SLC6A15: variants seen among roughly 807,000 people sequenced by gnomAD.
The protein encoded by SLC6A15 is solute carrier family 6 member 15, also known as sodium-dependent neutral amino acid transporter B(0)AT2.
A neutral mutation model predicts 68.5 loss-of-function variants in SLC6A15; 33 were observed. That is an observed-to-expected ratio of 0.48 (90% confidence interval 0.37 to 0.64). SLC6A15 has a LOEUF of 0.64. Ranked by LOEUF, SLC6A15 falls within the 30% of genes least tolerant of loss-of-function variation. The probability of loss-of-function intolerance (pLI) is 0.00; values close to 1 mark genes in which losing one functional copy is unlikely to be tolerated. For synonymous variants in SLC6A15, 347 were observed against 301.0 expected (o/e 1.15, Z -1.58); for missense variants, 747 against 874.3 (o/e 0.85, Z 1.84).
intron 4 of SLC6A15, 93 bp downstream of exon 4, chr12:84,885,342 C>G (rs76715880): frequency 8.5e-7 from 1 of 1,181,632 alleles, no homozygotes; most frequent in African/African-American, 1.6e-5. Context: ...GATGTTTCTA[C>G]ATTATTTTAA....
intron 8 of SLC6A15, among the ~76,000 whole-genome samples, chr12:84,872,283 T>C (rs184633799): frequency 1.3e-5 from 2 of 152,302 alleles, no homozygotes; most frequent in East Asian, 1.9e-4. Context: ...TAATTCTGTA[T>C]TGAAAATTAT....
intron 6 of SLC6A15, among the ~76,000 whole-genome samples, chr12:84,875,409 C>G (rs1205884358): frequency 1.3e-5 from 2 of 151,776 alleles, no homozygotes; most frequent in Non-Finnish European, 2.9e-5. Context: ...AATACCAACT[C>G]AGAACCACAC....
At chr12:84,876,989 T>G (rs1555180739) in intron 5 of SLC6A15, among the ~76,000 whole-genome samples, 1 of 152,188 alleles carries the variant, frequency 6.6e-6, no homozygotes, top group Non-Finnish European at 1.5e-5. Flanking sequence ...AAGTCCTATT[T>G]CTTTTTCTTT....
In SLC6A15 at chr12:84,885,498, G is replaced by C. The variant is rs1454815811; in HGVS notation, c.511C>G (p.Gln171Glu). 1.2e-6 allele frequency: 2 copies of C among 1,613,550 alleles called. No individual in the cohort carries two copies. The highest frequency in any genetic ancestry group is 2.2e-5 in the South Asian group (2 of 91,058). ...CAAGGCAGGGGTTGCTGAAAAGACT[G>C]AGAAAAATAAAACAAACTCCAGCCA... ...IIGWSLFYFS[Q>E]SFQQPLPWDQ... Residue 171 changes from glutamine (Q) to glutamate (E), a missense_variant, in exon 4 of 12, where the codon CAG becomes GAG. Gln to Glu is a conservative substitution (Grantham distance 29, BLOSUM62 2). Transcript: ENST00000266682.
At chr12:84,881,901 G>C (rs1215159489) in intron 5 of SLC6A15, 1 of 985,204 alleles carries the variant, frequency 1.0e-6, no homozygotes, top group African/African-American at 1.7e-5. Flanking sequence ...CCTACAGCTA[G>C]CTTTCTCCCC....
intron 6 of SLC6A15, among the ~76,000 whole-genome samples, chr12:84,875,179 T>C (rs923618975): frequency 5.4e-4 from 83 of 152,328 alleles, no homozygotes; most frequent in African/African-American, 1.9e-3. Flanking sequence ...TTGGTTGTCT[T>C]GAACTCAGAA....
intron 1 of SLC6A15, 25 bp from the exon 2 acceptor site, chr12:84,892,333 G>T: frequency 2.4e-6 from 1 of 420,808 alleles, no homozygotes; most frequent in Non-Finnish European, 4.1e-6. Flanking sequence ...GTTGAAATGT[G>T]ATCATATTTA....
At chr12:84,881,627 G>A in intron 5 of SLC6A15, 1 of 985,314 alleles carries the variant, frequency 1.0e-6, no homozygotes. Context: ...GTATGACTGT[G>A]TGTTTTGACC....
At chr12:84,876,325 T>C (rs975104652) in intron 6 of SLC6A15, among the ~76,000 whole-genome samples, 172 bp downstream of exon 6, 3 of 152,130 alleles carry the variant, frequency 2.0e-5, no homozygotes, top group Admixed American at 1.3e-4. Context: ...GATAAATGGC[T>C]ATAATTATAC....
Position 84,867,210 on chromosome 12 carries a change from A to C in SLC6A15, c.1496-17T>G, listed in dbSNP as rs1372011732. The C allele has an allele frequency of 6.4e-7, 1 of 1,561,426 alleles. No individual in the cohort carries two copies. The highest frequency in any genetic ancestry group is 8.6e-7 in the Non-Finnish European group (1 of 1,157,808). Reference sequence around the variant, plus strand: ...AACAGATAACTAGACAAAAGAAATAAATGAAAAAATGAGACTCTATTCAGA... The same window carrying C: ...AACAGATAACTAGACAAAAGAAATACATGAAAAAATGAGACTCTATTCAGA... On this transcript the variant is annotated splice_polypyrimidine_tract_variant and intron_variant, in intron 9 of 11. Transcript: ENST00000266682.
intron 1 of SLC6A15, among the ~76,000 whole-genome samples, chr12:84,899,247 T>A (rs139362728): frequency 6.6e-6 from 1 of 152,264 alleles, no homozygotes; most frequent in Non-Finnish European, 1.5e-5. Context: ...TCCATACTGA[T>A]TCAAGAGTAG....
At chr12:84,897,874 A>G (rs1325390205) in intron 1 of SLC6A15, among the ~76,000 whole-genome samples, 1 of 152,206 alleles carries the variant, frequency 6.6e-6, no homozygotes, top group Non-Finnish European at 1.5e-5. Flanking sequence ...TGAAGAATAG[A>G]AGTGAACATT....
chr12:84,862,151 A>C (rs1252637480), intron 11 of SLC6A15, 145 bp from the exon 12 acceptor site: 1 of 747,612 alleles, frequency 1.3e-6, no homozygotes, highest in Non-Finnish European at 2.1e-6. Context: ...TAGAAGTGAC[A>C]CTCAGCAACT....
chr12:84,909,836 T>C (rs1873353660), intron 1 of SLC6A15, among the ~76,000 whole-genome samples: 1 of 152,194 alleles, frequency 6.6e-6, no homozygotes, highest in Admixed American at 6.5e-5. Flanking sequence ...CTAGATGATA[T>C]AATCCCAGAG....
intron 1 of SLC6A15, among the ~76,000 whole-genome samples, chr12:84,911,693 G>C (rs1318792425): frequency 4.6e-5 from 7 of 152,144 alleles, no homozygotes; most frequent in Non-Finnish European, 1.0e-4. Flanking sequence ...TAGAGTGCAA[G>C]GATTTCCCTG....
intron 2 of SLC6A15, among the ~76,000 whole-genome samples, chr12:84,889,724 A>G (rs1427650955): frequency 6.6e-6 from 1 of 152,124 alleles, no homozygotes; most frequent in Non-Finnish European, 1.5e-5. Flanking sequence ...TTGGAGATAG[A>G]TAAAATTATT....
At position 84,861,696 on chromosome 12, in the gene SLC6A15, C is replaced by A. The variant is rs757320385; in HGVS notation, c.2129G>T (p.Gly710Val). The change falls in exon 12 of 12, where the codon GGA becomes GTA. Residue 710 changes from glycine (G) to valine (V), a missense_variant. Coordinates refer to ENST00000266682, the MANE Select transcript of SLC6A15 (RefSeq NM_182767.6). ...GSPTLDTAPN[G>V]RYGIGYLMAD... The stretch of plus-strand genomic sequence containing the variant: ...CATCAAGTACCCTATTCCATACCGT[C>A]CATTGGGAGCAGTATCCAGAGTTGG... The A allele has an allele frequency of 2.5e-6, 4 of 1,613,830 alleles. No homozygotes were observed. The highest frequency in any genetic ancestry group is 2.5e-6 in the Non-Finnish European group (3 of 1,179,838).
At chr12:84,904,222 G>GA (rs1873024140) in intron 1 of SLC6A15, among the ~76,000 whole-genome samples, 1 of 31,450 alleles carries the variant, frequency 3.2e-5, no homozygotes, top group African/African-American at 3.4e-4. Context: ...AGGGGCGGAG[G>GA]GGGAGAGAGA....
rs1006620865 is a variant in SLC6A15 at position 84,862,857 on chromosome 12, A to G, written c.1818+582T>C. Among the ~76,000 whole-genome samples, 5 of 152,118 alleles carry G rather than the reference A, an allele frequency of 3.3e-5. 2 individuals are homozygous for G. In the South Asian group the frequency reaches 1.0e-3, roughly 31 times the overall value. ...CACAGGCTGGAGTGCAGTGGTAATC[A>G]TAACTCACTTTAACCTTCAACTCCT... On this transcript the variant is annotated intron_variant, in intron 11 of 11. Transcript: ENST00000266682.
Sources: allele counts gnomAD v4.1 joint callset (sites outside exome capture counted in the v4.1 genomes callset), GRCh38; gene constraint gnomAD v4.1.1; transcripts MANE v1.5; gene names NCBI Gene and HGNC (gene_info 2026-07-23, HGNC 2026-07-21).